FBLN7: variants seen among roughly 807,000 people sequenced by gnomAD.
FBLN7 encodes the protein fibulin-7.
A neutral mutation model predicts 44.0 loss-of-function variants in FBLN7; 31 were observed. The observed-to-expected ratio is 0.70, with a 90% CI of 0.53 to 0.95. The LOEUF is 0.95. FBLN7 is among the 40% of genes least tolerant of loss of function. FBLN7 has a pLI of 0.00. For synonymous variants in FBLN7, 262 were observed against 253.4 expected, an observed-to-expected ratio of 1.03 and a Z score of -0.32; for missense variants, 573 against 618.5, an observed-to-expected ratio of 0.93 and a Z score of 0.78.
intron 1 of FBLN7, among the ~76,000 whole-genome samples, chr2:112,148,091 A>G (rs992196972): frequency 2.0e-5 from 3 of 152,194 alleles, no homozygotes; most frequent in Non-Finnish European, 4.4e-5. Context: ...GTCTGAGAAA[A>G]AAAAAATGAG....
Position 112,188,203 on chromosome 2 carries a change from ATTGCTCC to A in FBLN7, c.*700_*706del. On this transcript the variant is annotated 3_prime_UTR_variant, in exon 8 of 8. Transcript: ENST00000331203. ...TAATATAACTGAAAAAATAAAAGTG[ATTGCTCC>A]TTCCTGCCCGCCTGACTTCTACCTG... The A allele has an allele frequency of 6.6e-6, 1 of 152,162 alleles. No homozygotes were observed. Among genetic ancestry groups the A allele is most frequent in the Non-Finnish European group, 1.5e-5 (1 of 68,044 alleles). 9.4% of individuals were successfully genotyped at this position (152,162 alleles called of 1,614,324 possible).
the FBLN7 span, among the ~76,000 whole-genome samples, chr2:112,230,322 TATG>T: frequency 1.3e-5 from 2 of 152,218 alleles, no homozygotes; most frequent in South Asian, 2.1e-4. Flanking sequence ...TATTAAATTT[TATG>T]ATGATATGAT....
the FBLN7 span, among the ~76,000 whole-genome samples, chr2:112,229,299 C>A: frequency 6.6e-6 from 1 of 152,140 alleles, no homozygotes; most frequent in African/African-American, 2.4e-5. Flanking sequence ...CTATCTGATA[C>A]CATTTTAAAA....
At chr2:112,221,921 G>C in the FBLN7 span, among the ~76,000 whole-genome samples, 1 of 152,158 alleles carries the variant, frequency 6.6e-6, no homozygotes, top group Non-Finnish European at 1.5e-5. Context: ...CAGTCATTTG[G>C]AGGTAAGAAG....
chr2:112,178,257 C>A (rs201045795), intron 4 of FBLN7, among the ~76,000 whole-genome samples: 66 of 123,728 alleles, frequency 5.3e-4, no homozygotes, highest in Admixed American at 8.7e-4. Context: ...ACAAGAAATA[C>A]AAAAAAAAAA....
intron 6 of FBLN7, 47 bp from the exon 7 acceptor site, chr2:112,185,154 A>G: frequency 6.3e-7 from 1 of 1,585,792 alleles, no homozygotes; most frequent in South Asian, 1.1e-5. Flanking sequence ...TCTGCAATGG[A>G]GGGAAGGTCA....
intron 1 of FBLN7, among the ~76,000 whole-genome samples, chr2:112,154,827 C>T (rs186842794): frequency 1.2e-4 from 19 of 152,306 alleles, no homozygotes; most frequent in African/African-American, 4.6e-4. Flanking sequence ...AAGGAGCCCC[C>T]TGCCCAGACT....
chr2:112,155,456 C>T (rs942610144), intron 1 of FBLN7, among the ~76,000 whole-genome samples: 2 of 152,216 alleles, frequency 1.3e-5, no homozygotes, highest in Admixed American at 1.3e-4. Context: ...GCTGGCTTGC[C>T]GAGAGCAGCA....
At chr2:112,178,763 T>G (rs1682849393) in intron 4 of FBLN7, among the ~76,000 whole-genome samples, 1 of 152,206 alleles carries the variant, frequency 6.6e-6, no homozygotes, top group Non-Finnish European at 1.5e-5. Context: ...CATGATTATC[T>G]CAATATATGC....
At chr2:112,211,079 A>C in the FBLN7 span, among the ~76,000 whole-genome samples, 1 of 152,196 alleles carries the variant, frequency 6.6e-6, no homozygotes, top group African/African-American at 2.4e-5. Context: ...GTGGCTGTCC[A>C]CAAGTCCTAG....
the FBLN7 span, among the ~76,000 whole-genome samples, chr2:112,203,417 T>C: frequency 6.6e-6 from 1 of 152,048 alleles, no homozygotes; most frequent in Non-Finnish European, 1.5e-5. Context: ...AATAAAAAAA[T>C]ACAAACTTTA....
the FBLN7 span, among the ~76,000 whole-genome samples, chr2:112,209,776 AGT>A: frequency 6.6e-6 from 1 of 152,164 alleles, no homozygotes; most frequent in South Asian, 2.1e-4. Flanking sequence ...CACCTGACAT[AGT>A]GTGAGAGCCC....
intron 7 of FBLN7, among the ~76,000 whole-genome samples, chr2:112,185,868 C>CTT (rs200206678): frequency 1.3e-4 from 18 of 139,940 alleles, no homozygotes; most frequent in Non-Finnish European, 2.2e-4. Flanking sequence ...GCAAGTAGAG[C>CTT]TTTTTTTTTT....
intron 1 of FBLN7, 110 bp downstream of exon 1, chr2:112,138,840 GTCCCTCCC>G: frequency 8.1e-7 from 1 of 1,228,290 alleles, no homozygotes; most frequent in Non-Finnish European, 1.0e-6. Flanking sequence ...TCTCTCCCCT[GTCCCTCCC>G]GCCTCTCTCC....
intron 2 of FBLN7, among the ~76,000 whole-genome samples, chr2:112,161,317 C>G (rs551129423): frequency 6.0e-4 from 92 of 152,276 alleles, no homozygotes; most frequent in Admixed American, 6.5e-5. Context: ...GATTTCCTAC[C>G]TTCTCGGAGA....
chr2:112,159,550 C>T (rs1435504496), intron 1 of FBLN7, 126 bp from the exon 2 acceptor site: 2 of 1,161,900 alleles, frequency 1.7e-6, no homozygotes, highest in South Asian at 1.9e-5. Flanking sequence ...GTCACTTTTA[C>T]GTTGCGTTGA....
chr2:112,238,979 T>G, the FBLN7 span, among the ~76,000 whole-genome samples: 1 of 152,266 alleles, frequency 6.6e-6, no homozygotes, highest in Admixed American at 6.5e-5. Context: ...ATGGTCCATA[T>G]GAAAACCCAC....
the FBLN7 span, among the ~76,000 whole-genome samples, chr2:112,198,467 G>A: frequency 1.3e-5 from 2 of 151,862 alleles, no homozygotes; most frequent in Non-Finnish European, 2.9e-5. Flanking sequence ...TGAAACCCCC[G>A]TCTCTACTAA....
At chr2:112,203,468 C>A in the FBLN7 span, among the ~76,000 whole-genome samples, 1 of 152,072 alleles carries the variant, frequency 6.6e-6, no homozygotes, top group Admixed American at 6.5e-5. Flanking sequence ...ACAGCAATGA[C>A]AATAAGCAGA....
Sources: allele counts gnomAD v4.1 joint callset (sites outside exome capture counted in the v4.1 genomes callset), GRCh38; gene constraint gnomAD v4.1.1; transcripts MANE v1.5; gene names NCBI Gene and HGNC (gene_info 2026-07-23, HGNC 2026-07-21).